Variants in ELF1 observed in about 807,000 individuals in gnomAD.
ELF1 encodes the protein ETS-related transcription factor Elf-1.
ELF1 carries 24 observed loss-of-function variants against 59.9 expected under a neutral mutation model. That is an observed-to-expected ratio of 0.40 (90% CI 0.29 to 0.56). ELF1 has a LOEUF of 0.56. Ranked by LOEUF, ELF1 falls within the 20% of genes least tolerant of loss-of-function variation. The pLI is 0.44. For synonymous variants in ELF1, 248 were observed against 266.2 expected (o/e 0.93, Z 0.67); for missense variants, 627 against 742.2 (o/e 0.84, Z 1.80).
chr13:41,011,250 T>C (rs1481691497), intron 1 of ELF1, among the ~76,000 whole-genome samples: 1 of 152,228 alleles, frequency 6.6e-6, no homozygotes, highest in African/African-American at 2.4e-5. Flanking sequence ...TATTTGAATG[T>C]GGGATAATTC....
At chr13:40,989,080 G>A (rs1016189899) in intron 1 of ELF1, among the ~76,000 whole-genome samples, 4 of 152,328 alleles carry the variant, frequency 2.6e-5, no homozygotes, top group East Asian at 1.9e-4. Flanking sequence ...TTACAGGCAT[G>A]AGCCACTACG....
At chr13:41,034,804 A>AC (rs1313720902) in intron 1 of ELF1, among the ~76,000 whole-genome samples, 1 of 151,574 alleles carries the variant, frequency 6.6e-6, no homozygotes, top group African/African-American at 2.4e-5. Flanking sequence ...AAAAAAAAAA[A>AC]AAAAACCTTC....
At chr13:41,043,420 G>A (rs1319540808) in intron 1 of ELF1, among the ~76,000 whole-genome samples, 1 of 152,138 alleles carries the variant, frequency 6.6e-6, no homozygotes, top group African/African-American at 2.4e-5. Flanking sequence ...TTTTCTTCTA[G>A]GGTTTTTATG....
rs9566668 is a variant in ELF1, at chr13:41,026,128, C to T, written c.-229+34710G>A. On this transcript the variant is annotated intron_variant, in intron 1 of 1. Coordinates refer to the ELF1 transcript ENST00000405737. ...CCTAATGAGCAACGAGTAGCAACTA[C>T]TCTAGGCTTAATGATAACACATAGC... Among the ~76,000 whole-genome samples the T allele has an allele frequency of 2.7e-3, 404 of 152,278 alleles. 7 individuals are homozygous for T. The East Asian group carries it at 0.048, about 18-fold the overall frequency.
chr13:41,027,909 C>T (rs987904584), intron 1 of ELF1, among the ~76,000 whole-genome samples: 10 of 152,170 alleles, frequency 6.6e-5, no homozygotes, highest in African/African-American at 2.4e-4. Flanking sequence ...TAATACCTTG[C>T]AGGTCTAGCA....
At chr13:40,994,543 C>T (rs575170121) in intron 1 of ELF1, among the ~76,000 whole-genome samples, 153 of 152,004 alleles carry the variant, frequency 1.0e-3, no homozygotes, top group Non-Finnish European at 1.8e-3. Context: ...ACTTGGAGGC[C>T]GAGGCACGAG....
chr13:41,047,946 CTTTG>C (rs1203993978), intron 1 of ELF1, among the ~76,000 whole-genome samples: 2 of 152,254 alleles, frequency 1.3e-5, no homozygotes, highest in African/African-American at 4.8e-5. Context: ...CTTCAGGCCA[CTTTG>C]TTTACCTACT....
intron 1 of ELF1, among the ~76,000 whole-genome samples, chr13:40,989,951 T>C (rs1873755240): frequency 6.6e-6 from 1 of 152,228 alleles, no homozygotes; most frequent in South Asian, 2.1e-4. Context: ...AAGTGTGGTG[T>C]CTCTTAAGTT....
chr13:41,057,426 C>G (rs919061501), intron 1 of ELF1, among the ~76,000 whole-genome samples: 1 of 151,870 alleles, frequency 6.6e-6, no homozygotes, highest in Non-Finnish European at 1.5e-5. Flanking sequence ...TGGAGTCTCT[C>G]TCTGTCTCCA....
intron 1 of ELF1, among the ~76,000 whole-genome samples, chr13:41,024,614 C>T (rs1414008631): frequency 1.3e-5 from 2 of 152,016 alleles, no homozygotes; most frequent in Non-Finnish European, 2.9e-5. Context: ...TGAGCTCAAG[C>T]GATCCGCCTG....
chr13:41,000,044 G>C (rs1474270017), intron 1 of ELF1, among the ~76,000 whole-genome samples: 1 of 151,874 alleles, frequency 6.6e-6, no homozygotes, highest in Non-Finnish European at 1.5e-5. Flanking sequence ...TAAATATTTT[G>C]AATAGATGAT....
In ELF1 at chr13:40,932,163, CATA is replaced by C. The variant is rs1241060124; in HGVS notation, c.*1259_*1261del. On this transcript the variant is annotated 3_prime_UTR_variant, in exon 9 of 9. Coordinates refer to ENST00000239882, the MANE Select transcript of ELF1 (RefSeq NM_172373.4). Reference sequence around the variant, plus strand: ...GAAAACATAGCATTAGACCTCTAAACATAATGATTTTTTTCATCTACAAAAATT... The same window carrying C: ...GAAAACATAGCATTAGACCTCTAAACATGATTTTTTTCATCTACAAAAATT... 1.3e-5 allele frequency: 2 copies of C among 151,914 alleles called. No individual in the cohort carries two copies. The highest frequency in any genetic ancestry group is 1.9e-4 in the East Asian group (1 of 5,190). 9.4% of individuals were successfully genotyped at this position (151,914 alleles called of 1,614,324 possible).
At chr13:41,013,705 C>G (rs1875203210) in intron 1 of ELF1, among the ~76,000 whole-genome samples, 1 of 151,904 alleles carries the variant, frequency 6.6e-6, no homozygotes, top group Non-Finnish European at 1.5e-5. Context: ...TGTTGTAACA[C>G]TTTATAATTT....
At chr13:41,001,007 C>T (rs1593388415) in intron 1 of ELF1, among the ~76,000 whole-genome samples, 1 of 150,568 alleles carries the variant, frequency 6.6e-6, no homozygotes, top group Non-Finnish European at 1.5e-5. Context: ...GACAGAGTCT[C>T]ACTCTGTCGC....
intron 1 of ELF1, among the ~76,000 whole-genome samples, chr13:41,044,216 T>C (rs1187808107): frequency 2.0e-5 from 3 of 152,230 alleles, no homozygotes; most frequent in African/African-American, 7.2e-5. Flanking sequence ...TGGGGTTTTC[T>C]AGACATACAA....
At chr13:41,044,634 C>T (rs139164016) in intron 1 of ELF1, among the ~76,000 whole-genome samples, 61 of 152,178 alleles carry the variant, frequency 4.0e-4, no homozygotes, top group African/African-American at 1.2e-3. Context: ...TGCATTCCCC[C>T]GGATGAAGCC....
chr13:41,017,863 T>C (rs570449391), intron 1 of ELF1, among the ~76,000 whole-genome samples: 2 of 152,304 alleles, frequency 1.3e-5, no homozygotes, highest in South Asian at 4.1e-4. Context: ...AATACAGCTT[T>C]TGCTTACTCA....
At chr13:40,948,107 A>T (rs1870614186) in intron 5 of ELF1, among the ~76,000 whole-genome samples, 1 of 152,256 alleles carries the variant, frequency 6.6e-6, no homozygotes, top group Admixed American at 6.5e-5. Flanking sequence ...CAGGAAATAA[A>T]TGAGGCAAGT....
At position 40,933,272 on chromosome 13, in the gene ELF1, T is replaced by C. The variant is rs1869529384; in HGVS notation, c.*153A>G. 5.2e-6 allele frequency: 5 copies of C among 959,864 alleles called. No homozygotes were observed. The highest frequency in any genetic ancestry group is 5.9e-6 in the Non-Finnish European group (4 of 674,390). 59.5% of individuals were successfully genotyped at this position (959,864 alleles called of 1,614,324 possible). A position where few individuals can be genotyped will look rare whatever the true frequency, so the allele number is the denominator to read the frequency against. On this transcript the variant is annotated 3_prime_UTR_variant, in exon 9 of 9. Transcript: ENST00000239882. ...GATAACAAAGAGAAACAGTTGAGTT[T>C]TCCTCCCTCATCTAACAAAGTCAAA...
Sources: allele counts gnomAD v4.1 joint callset (sites outside exome capture counted in the v4.1 genomes callset), GRCh38; gene constraint gnomAD v4.1.1; transcripts MANE v1.5; gene names NCBI Gene and HGNC (gene_info 2026-07-23, HGNC 2026-07-21).